The following GALNT7 variants were observed in gnomAD, a reference collection of about 807,000 sequenced individuals.
The protein encoded by GALNT7 is polypeptide N-acetylgalactosaminyltransferase 7, also known as N-acetylgalactosaminyltransferase 7.
A neutral mutation model predicts 82.1 loss-of-function variants in GALNT7; 60 were observed. The observed-to-expected ratio is 0.73, with a 90% confidence interval of 0.59 to 0.91. The LOEUF is 0.91. Among genes scored for constraint, GALNT7 ranks in the 40% least tolerant of loss-of-function variants. The probability of loss-of-function intolerance (pLI) is 0.00; values close to 1 mark genes in which losing one functional copy is unlikely to be tolerated. For missense variants in GALNT7, 660 were observed against 804.2 expected, an observed-to-expected ratio of 0.82 and a Z score of 2.17; for synonymous variants, 243 against 275.1, an observed-to-expected ratio of 0.88 and a Z score of 1.15.
rs750328859 is a variant in GALNT7, at chr4:173,321,660, T to C, written c.1917T>C (p.Asn639=). The C allele has an allele frequency of 1.2e-5, 20 of 1,606,122 alleles. No individual in the cohort carries two copies. Among genetic ancestry groups the C allele is most frequent in the African/African-American group, 2.7e-5 (2 of 74,892 alleles). Residue 639 remains asparagine (N), a synonymous_variant, in exon 12 of 12, where the codon AAT becomes AAC. Coordinates refer to ENST00000265000, the MANE Select transcript of GALNT7 (RefSeq NM_017423.3). ...SEVLHQVFIS[N]CDSSKTTQKW... is the part of the protein sequence containing the mutation. Reference sequence around the variant, plus strand: ...TCCTGCATCAAGTATTCATCTCCAATTGTGACTCCAGTAAAACGACTCAAA... The same window carrying C: ...TCCTGCATCAAGTATTCATCTCCAACTGTGACTCCAGTAAAACGACTCAAA...
intron 1 of GALNT7, among the ~76,000 whole-genome samples, chr4:173,178,061 G>A (rs955113466): frequency 7.1e-6 from 1 of 140,218 alleles, no homozygotes; most frequent in Non-Finnish European, 1.5e-5. Context: ...GTGCGCGCAC[G>A]CGCGTGCGCA....
chr4:173,285,812 C>A (rs554896980), intron 2 of GALNT7, among the ~76,000 whole-genome samples: 1 of 152,262 alleles, frequency 6.6e-6, no homozygotes, highest in South Asian at 2.1e-4. Context: ...AGCCAGAAGA[C>A]AAAGACAGAT....
chr4:173,215,202 G>GC (rs1280320081), intron 1 of GALNT7, among the ~76,000 whole-genome samples: 2 of 151,006 alleles, frequency 1.3e-5, no homozygotes, highest in African/African-American at 4.9e-5. Flanking sequence ...ATACCCACTG[G>GC]CCCCACCACC....
At chr4:173,288,065 C>A (rs1182438414) in intron 2 of GALNT7, among the ~76,000 whole-genome samples, 1 of 151,850 alleles carries the variant, frequency 6.6e-6, no homozygotes, top group Admixed American at 6.5e-5. Context: ...GGGCGGATCA[C>A]GAGGTCAGGA....
intron 1 of GALNT7, among the ~76,000 whole-genome samples, chr4:173,182,862 C>T (rs906235744): frequency 1.3e-4 from 18 of 141,694 alleles, no homozygotes; most frequent in Non-Finnish European, 2.6e-4. Flanking sequence ...CTCTATGTAC[C>T]TGATTCTTTT....
chr4:173,245,386 A>C (rs368011107), intron 1 of GALNT7, among the ~76,000 whole-genome samples: 1 of 152,198 alleles, frequency 6.6e-6, no homozygotes, highest in African/African-American at 2.4e-5. Context: ...GATTTCATGT[A>C]CTATCATATT....
intron 8 of GALNT7, among the ~76,000 whole-genome samples, chr4:173,304,961 G>A (rs561260637): frequency 6.6e-6 from 1 of 151,998 alleles, no homozygotes; most frequent in Non-Finnish European, 1.5e-5. Flanking sequence ...CTTGACTATC[G>A]TGAATACTGC....
chr4:173,222,589 CCTTA>C (rs1179735757), intron 1 of GALNT7, among the ~76,000 whole-genome samples: 1 of 152,102 alleles, frequency 6.6e-6, no homozygotes, highest in South Asian at 2.1e-4. Flanking sequence ...GCCTGCCCTT[CCTTA>C]ATCGATTACA....
rs1308711416 is a variant in GALNT7, at chr4:173,292,957, A to G, written c.754+683A>G. On this transcript the variant is annotated intron_variant, in intron 3 of 11. Coordinates refer to ENST00000265000, the MANE Select transcript of GALNT7 (RefSeq NM_017423.3). This position sits in a 1 kb window ranked among gnomAD's most constrained non-coding sequence, Gnocchi z 4.8. The stretch of plus-strand genomic sequence containing the variant: ...TAGGCACAACATTTTATGTATGTCC[A>G]TTTTGTTTATGTCCATCTTTGTTGT... Among the ~76,000 whole-genome samples, 3 of 152,160 alleles carry G rather than the reference A, an allele frequency of 2.0e-5. No individual in the cohort carries two copies. Among genetic ancestry groups the G allele is most frequent in the Admixed American group, 6.5e-5 (1 of 15,268 alleles).
At chr4:173,253,814 A>C (rs1734932137) in intron 2 of GALNT7, among the ~76,000 whole-genome samples, 1 of 152,220 alleles carries the variant, frequency 6.6e-6, no homozygotes, top group Non-Finnish European at 1.5e-5. Flanking sequence ...AGTCAGGATA[A>C]GGAGCCTGTT....
intron 2 of GALNT7, among the ~76,000 whole-genome samples, chr4:173,265,595 C>A (rs1183440357): frequency 1.5e-5 from 2 of 131,384 alleles, no homozygotes; most frequent in African/African-American, 7.1e-5. Context: ...GCATCTCTCT[C>A]TCTCTCTCTC....
intron 2 of GALNT7, among the ~76,000 whole-genome samples, chr4:173,270,209 GT>G (rs1336027993): frequency 1.3e-5 from 2 of 152,128 alleles, no homozygotes. Context: ...CAGGGGAAAT[GT>G]TTTTCCCTTT....
chr4:173,189,714 G>A (rs61343038), intron 1 of GALNT7, among the ~76,000 whole-genome samples: 2 of 152,110 alleles, frequency 1.3e-5, no homozygotes, highest in Admixed American at 1.3e-4. Flanking sequence ...CCCTTGCTCC[G>A]AGGGAATTCT....
At chr4:173,291,897 T>C (rs988446347) in intron 2 of GALNT7, among the ~76,000 whole-genome samples, 1 of 152,182 alleles carries the variant, frequency 6.6e-6, no homozygotes, top group African/African-American at 2.4e-5. Context: ...GAATAAGTAT[T>C]GGTTATGCAG....
Position 173,279,532 on chromosome 4 carries a change from A to G in GALNT7, c.588-12576A>G, listed in dbSNP as rs973240357. Reference sequence around the variant, plus strand: ...ATGTATATTGATTTCTGAATGCTAAATTAAACTTTGTATTCTACATTAGTA... The same window carrying G: ...ATGTATATTGATTTCTGAATGCTAAGTTAAACTTTGTATTCTACATTAGTA... On this transcript the variant is annotated intron_variant, in intron 2 of 11. Transcript: ENST00000265000. Among the ~76,000 whole-genome samples the G allele has an allele frequency of 3.3e-5, 5 of 152,354 alleles. No individual in the cohort carries two copies. In the East Asian group the frequency reaches 9.6e-4, roughly 29 times the overall value.
At chr4:173,298,515 C>A (rs148580476) in intron 6 of GALNT7, 71 of 419,580 alleles carry the variant, frequency 1.7e-4, no homozygotes, top group Non-Finnish European at 2.7e-4. Context: ...GAGACGTACA[C>A]ACTTTCATTG....
chr4:173,234,903 T>C (rs1734162220), intron 1 of GALNT7, among the ~76,000 whole-genome samples: 1 of 152,212 alleles, frequency 6.6e-6, no homozygotes, highest in Non-Finnish European at 1.5e-5. Context: ...TTCCCTTCCC[T>C]ACTGCCATGC....
intron 1 of GALNT7, among the ~76,000 whole-genome samples, chr4:173,236,317 G>A (rs775403572): frequency 5.3e-5 from 8 of 152,150 alleles, no homozygotes; most frequent in Non-Finnish European, 1.0e-4. Flanking sequence ...TGTCATTCTT[G>A]TTACTTCAAC....
chr4:173,205,907 G>C (rs796455781), intron 1 of GALNT7, among the ~76,000 whole-genome samples: 8 of 152,202 alleles, frequency 5.3e-5, no homozygotes, highest in African/African-American at 1.9e-4. Flanking sequence ...GGTTGGCCTG[G>C]TGGTGGGGCA....
Sources: allele counts gnomAD v4.1 joint callset (sites outside exome capture counted in the v4.1 genomes callset), GRCh38; gene constraint gnomAD v4.1.1; non-coding constraint Gnocchi (gnomAD v3.1); transcripts MANE v1.5; gene names NCBI Gene and HGNC (gene_info 2026-07-23, HGNC 2026-07-21).